Variants in GART observed in about 807,000 individuals in gnomAD.
GART encodes the protein phosphoribosylglycinamide formyltransferase, phosphoribosylglycinamide synthetase, phosphoribosylaminoimidazole synthetase, also known as trifunctional purine biosynthetic protein adenosine-3.
A neutral mutation model predicts 107.2 loss-of-function variants in GART; 43 were observed. The observed-to-expected ratio is 0.40, with a 90% CI of 0.31 to 0.52. The LOEUF (loss-of-function observed/expected upper bound fraction) is 0.52, where lower values mean the gene tolerates loss of function less well. GART is among the 20% of genes least tolerant of loss of function. The pLI is 0.52. For synonymous variants in GART, 434 were observed against 427.0 expected, an observed-to-expected ratio of 1.02 and a Z score of -0.20; for missense variants, 1,107 against 1,206.5, an observed-to-expected ratio of 0.92 and a Z score of 1.22.
intron 18 of GART, among the ~76,000 whole-genome samples, chr21:33,506,806 A>C (rs1317998689): frequency 6.6e-6 from 1 of 152,226 alleles, no homozygotes. Context: ...GCAAACAGGT[A>C]TATAAAAAGG....
intron 16 of GART, among the ~76,000 whole-genome samples, chr21:33,513,001 C>T (rs371857553): frequency 1.5e-4 from 23 of 151,832 alleles, no homozygotes; most frequent in East Asian, 9.8e-4. Context: ...CTGCAACCTC[C>T]GCCTCCTGGG....
rs1569023854 is a variant in GART, at chr21:33,524,752, C to T, written c.1298+17G>A. 1 of 1,614,096 alleles carries T rather than the reference C, an allele frequency of 6.2e-7. No homozygotes were observed. The highest frequency in any genetic ancestry group is 2.2e-5 in the East Asian group (1 of 44,886). ...GTTTCTGAAATGGCACTACAGCTAA[C>T]TTGCTTAGAGTTTTACCTGGGCTGC... On this transcript the variant is annotated intron_variant, in intron 11 of 21. Coordinates refer to ENST00000381815, the MANE Select transcript of GART (RefSeq NM_000819.5).
intron 17 of GART, among the ~76,000 whole-genome samples, chr21:33,510,559 T>C (rs2145684320): frequency 6.6e-6 from 1 of 152,014 alleles, no homozygotes; most frequent in South Asian, 2.1e-4. Flanking sequence ...CTTGATCTCC[T>C]GACCTCGTGA....
chr21:33,534,430 TG>T lies in GART; in HGVS notation c.416+148del, dbSNP rs2085263679. 5.6e-6 allele frequency: 4 copies of T among 710,154 alleles called. No individual in the cohort carries two copies. The East Asian group carries it at 1.1e-4, about 20-fold the overall frequency. The allele number at this position is 710,154 out of a possible 1,614,324, so 44.0% of individuals were successfully genotyped here. On this transcript the variant is annotated intron_variant, in intron 4 of 21. Coordinates refer to ENST00000381815, the MANE Select transcript of GART (RefSeq NM_000819.5). ...CAGGGTTTTACCATGGTACCCAGGC[TG>T]GTCTCTAACTCCTGAGCTCAAGTGA...
rs553513303 is a variant in GART, at chr21:33,508,282, C to T, written c.2452+1501G>A. Among the ~76,000 whole-genome samples the T allele has an allele frequency of 6.6e-5, 10 of 151,908 alleles. No individual in the cohort carries two copies. The South Asian group carries it at 2.1e-3, about 32-fold the overall frequency. ...GCTTAATTAAGCAAGAAAAACTGAC[C>T]CTCTCAAGAACAAACCACTATGCTA... On this transcript the variant is annotated intron_variant, in intron 18 of 21. Coordinates refer to ENST00000381815, the MANE Select transcript of GART (RefSeq NM_000819.5).
chr21:33,517,231 A>T (rs2084894901), intron 15 of GART, 90 bp from the exon 16 acceptor site: 1 of 1,558,880 alleles, frequency 6.4e-7, no homozygotes. Context: ...CCAGCTCTAC[A>T]ATAATGACCA....
chr21:33,530,636 G>T, intron 7 of GART, 123 bp downstream of exon 7: 1 of 1,008,028 alleles, frequency 9.9e-7, no homozygotes, highest in Non-Finnish European at 1.3e-6. Flanking sequence ...TTTAATTGCT[G>T]ATTAGTAACA....
chr21:33,512,583 T>C (rs1364877101), intron 16 of GART, among the ~76,000 whole-genome samples: 1 of 152,072 alleles, frequency 6.6e-6, no homozygotes, highest in Non-Finnish European at 1.5e-5. Context: ...TTGATTTATT[T>C]ATTGGATAAT....
intron 18 of GART, chr21:33,509,194 T>C (rs2084739894): frequency 6.6e-6 from 1 of 152,296 alleles, no homozygotes; most frequent in South Asian, 2.1e-4. Flanking sequence ...AGCTGCAGTG[T>C]ACTATGACTG....
intron 16 of GART, among the ~76,000 whole-genome samples, chr21:33,515,174 C>T (rs1168222122): frequency 1.3e-5 from 2 of 152,196 alleles, no homozygotes; most frequent in Admixed American, 1.3e-4. Flanking sequence ...CCTGTTTGAC[C>T]TTGACTGCTT....
In GART at chr21:33,505,589, A is replaced by G. The variant is rs761968159; in HGVS notation, c.2697T>C (p.Leu899=). ...TCCACTTTTGGACAAAGGGGCCAGAAAGAATTCTCATGAATCCTGCAAGAC... is the reference window on the plus strand; with the variant it reads ...TCCACTTTTGGACAAAGGGGCCAGAGAGAATTCTCATGAATCCTGCAAGAC... The part of the protein sequence containing the change: ...IVCLAGFMRI[L]SGPFVQKWNG... Residue 899 remains leucine (L), a synonymous_variant, in exon 20 of 22, where the codon CTT becomes CTC. Coordinates refer to ENST00000381815, the MANE Select transcript of GART (RefSeq NM_000819.5). 2.5e-6 allele frequency: 4 copies of G among 1,599,640 alleles called. No homozygotes were observed. In the African/African-American group the frequency reaches 4.0e-5, roughly 16 times the overall value.
chr21:33,524,802 C>G lies in GART; in HGVS notation c.1265G>C (p.Gly422Ala). 1 of 1,614,234 alleles carries G rather than the reference C, an allele frequency of 6.2e-7. No homozygotes were observed. Among genetic ancestry groups the G allele is most frequent in the Non-Finnish European group, 8.5e-7 (1 of 1,180,040 alleles). Reference sequence around the variant, plus strand: ...CTGGAGGAAAGCTATGGCACGAAAGCCGACGTCTTTCCTATAAATTGCTCC... The same window carrying G: ...CTGGAGGAAAGCTATGGCACGAAAGGCGACGTCTTTCCTATAAATTGCTCC... ...FEGAIYRKDV[G>A]FRAIAFLQQP... Residue 422 changes from glycine (G) to alanine (A), a missense_variant, in exon 11 of 22, where the codon GGC becomes GCC. Coordinates refer to ENST00000381815, the MANE Select transcript of GART (RefSeq NM_000819.5).
intron 5 of GART, chr21:33,532,128 CAA>C: frequency 2.0e-6 from 1 of 503,202 alleles, no homozygotes; most frequent in East Asian, 3.5e-5. Context: ...AAGGATGTTA[CAA>C]TTTACTTCAA....
At chr21:33,506,447 CT>C (rs1211946740) in intron 18 of GART, among the ~76,000 whole-genome samples, 1 of 152,064 alleles carries the variant, frequency 6.6e-6, no homozygotes, top group Non-Finnish European at 1.5e-5. Context: ...CAACCTCACA[CT>C]TTTTAAAAAA....
chr21:33,510,949 G>A (rs1019958680), intron 17 of GART, among the ~76,000 whole-genome samples: 19 of 152,150 alleles, frequency 1.2e-4, no homozygotes, highest in Non-Finnish European at 2.4e-4. Flanking sequence ...GTGCTTGCTC[G>A]CTATTCCTTG....
chr21:33,527,080 G>C (rs1018151537), intron 10 of GART, among the ~76,000 whole-genome samples: 5 of 152,136 alleles, frequency 3.3e-5, no homozygotes, highest in Non-Finnish European at 7.3e-5. Context: ...CCAATGCAAG[G>C]GATCTTGGTT....
At chr21:33,526,277 C>G (rs1326341986) in intron 10 of GART, among the ~76,000 whole-genome samples, 2 of 151,850 alleles carry the variant, frequency 1.3e-5, no homozygotes, top group African/African-American at 2.4e-5. Context: ...TTCAAGCCAT[C>G]CTGCCACCTC....
intron 14 of GART, chr21:33,518,901 G>C (rs1161921057): frequency 3.8e-6 from 2 of 521,524 alleles, no homozygotes; most frequent in Non-Finnish European, 7.5e-6. Flanking sequence ...TGGTGAAAGT[G>C]TTCACTGCCC....
At chr21:33,513,228 G>T (rs901024989) in intron 16 of GART, among the ~76,000 whole-genome samples, 3 of 151,060 alleles carry the variant, frequency 2.0e-5, no homozygotes, top group Admixed American at 6.6e-5. Context: ...GCCTCCCGAA[G>T]TGCTGGAATT....
Sources: gnomAD v4.1 joint callset for allele counts (sites outside exome capture counted in the v4.1 genomes callset) on GRCh38, gnomAD v4.1.1 for gene constraint, MANE v1.5 for transcripts, NCBI Gene and HGNC (gene_info 2026-07-23, HGNC 2026-07-21) for gene names.